Variants in CSMD3 observed in about 807,000 individuals in gnomAD.
The protein encoded by CSMD3 is CUB and Sushi multiple domains 3, also known as CUB and sushi domain-containing protein 3.
CSMD3 carries 177 observed loss-of-function variants against 435.2 expected under a neutral mutation model. The observed-to-expected ratio is 0.41, with a 90% CI of 0.36 to 0.46. The LOEUF (loss-of-function observed/expected upper bound fraction) is 0.46, where lower values mean the gene tolerates loss of function less well. Among genes scored for constraint, CSMD3 ranks in the 20% least tolerant of loss-of-function variants. The pLI is 0.34. For synonymous variants in CSMD3, 1,656 were observed against 1,520.5 expected (o/e 1.09, Z -2.07); for missense variants, 4,265 against 4,504.6 (o/e 0.95, Z 1.52).
chr8:112,637,079 G>A (rs1486103925), intron 21 of CSMD3, 74 bp from the exon 22 acceptor site: 5 of 1,185,646 alleles, frequency 4.2e-6, no homozygotes, highest in South Asian at 1.2e-5. Context: ...ACTTTTAAAG[G>A]TATATTCCTA....
intron 4 of CSMD3, among the ~76,000 whole-genome samples, chr8:113,106,341 CA>C (rs2090476402): frequency 6.6e-6 from 1 of 151,848 alleles, no homozygotes; most frequent in Admixed American, 6.6e-5. Flanking sequence ...AAAAAATACT[CA>C]ATGGGCCTCA....
chr8:112,257,841 G>T (rs367683288), intron 61 of CSMD3, among the ~76,000 whole-genome samples: 1 of 152,208 alleles, frequency 6.6e-6, no homozygotes, highest in South Asian at 2.1e-4. Flanking sequence ...TAAGCAAGAA[G>T]AACAAAACTG....
chr8:112,868,802 AT>A (rs1287240665), intron 10 of CSMD3, among the ~76,000 whole-genome samples: 1 of 152,164 alleles, frequency 6.6e-6, no homozygotes, highest in African/African-American at 2.4e-5. Flanking sequence ...AGAAAATTGA[AT>A]ATCCACTTGC....
intron 5 of CSMD3, among the ~76,000 whole-genome samples, chr8:113,037,883 T>C (rs889865359): frequency 1.3e-5 from 2 of 152,158 alleles, no homozygotes; most frequent in African/African-American, 4.8e-5. Context: ...GAAGATAATA[T>C]AATAAAGGGG....
At chr8:113,211,442 C>T (rs1409022015) in intron 3 of CSMD3, among the ~76,000 whole-genome samples, 1 of 152,104 alleles carries the variant, frequency 6.6e-6, no homozygotes, top group Non-Finnish European at 1.5e-5. Context: ...AATGAACAAG[C>T]TATATAAAGC....
At chr8:112,619,711 T>A (rs12549492) in intron 22 of CSMD3, among the ~76,000 whole-genome samples, 83,674 of 151,742 alleles carry the variant, frequency 0.55, 23,342 homozygotes, top group African/African-American at 0.6. Context: ...CCCAAAGGCA[T>A]CACTCTACTA....
intron 49 of CSMD3, among the ~76,000 whole-genome samples, chr8:112,312,165 A>T (rs781426811): frequency 9.8e-5 from 15 of 152,336 alleles, no homozygotes; most frequent in Non-Finnish European, 1.8e-4. Context: ...GCAACACTTT[A>T]ATAAAAAGAT....
At chr8:113,290,773 G>C in intron 2 of CSMD3, among the ~76,000 whole-genome samples, 1 of 151,412 alleles carries the variant, frequency 6.6e-6, no homozygotes, top group East Asian at 1.9e-4. Context: ...GTTTTCAAAT[G>C]ATCATTATTT....
At chr8:113,414,948 A>G (rs900575265) in intron 1 of CSMD3, among the ~76,000 whole-genome samples, 1 of 152,166 alleles carries the variant, frequency 6.6e-6, no homozygotes, top group Non-Finnish European at 1.5e-5. Flanking sequence ...CCTGGGTGAC[A>G]GAGGCAGTAT....
chr8:112,343,894 A>T (rs574370918), intron 41 of CSMD3, among the ~76,000 whole-genome samples: 426 of 151,548 alleles, frequency 2.8e-3, no homozygotes, highest in African/African-American at 9.8e-3. Context: ...TTATTTATTT[A>T]TTTTTTGAGA....
chr8:112,382,794 C>G, intron 37 of CSMD3, among the ~76,000 whole-genome samples: 1 of 152,014 alleles, frequency 6.6e-6, no homozygotes, highest in Non-Finnish European at 1.5e-5. Context: ...GTTCACGACC[C>G]GCCTCGCCAA....
intron 6 of CSMD3, among the ~76,000 whole-genome samples, chr8:113,008,983 A>C (rs1255603783): frequency 6.6e-6 from 1 of 151,490 alleles, no homozygotes; most frequent in African/African-American, 2.4e-5. Flanking sequence ...ATATATTAGT[A>C]ATATTTTATA....
At chr8:113,152,671 T>G (rs2091835768) in intron 4 of CSMD3, among the ~76,000 whole-genome samples, 1 of 152,002 alleles carries the variant, frequency 6.6e-6, no homozygotes, top group South Asian at 2.1e-4. Context: ...AAAATACACT[T>G]TGCCTGGTTA....
At chr8:112,273,490 C>A (rs1817716801) in intron 59 of CSMD3, among the ~76,000 whole-genome samples, 1 of 151,946 alleles carries the variant, frequency 6.6e-6, no homozygotes, top group African/African-American at 2.4e-5. Flanking sequence ...CTTTGGGAGG[C>A]CGAGGCGGGT....
At chr8:112,338,010 G>C (rs899514615) in intron 42 of CSMD3, among the ~76,000 whole-genome samples, 1 of 152,192 alleles carries the variant, frequency 6.6e-6, no homozygotes, top group African/African-American at 2.4e-5. Flanking sequence ...TAATGAAAAT[G>C]TAAACTCTTC....
intron 35 of CSMD3, among the ~76,000 whole-genome samples, chr8:112,393,470 T>G (rs1337544285): frequency 6.6e-6 from 1 of 152,200 alleles, no homozygotes; most frequent in Non-Finnish European, 1.5e-5. Context: ...TCCTGTACAA[T>G]TTTATCATAC....
At chr8:112,561,232 CAATT>C (rs1828594672) in intron 24 of CSMD3, among the ~76,000 whole-genome samples, 1 of 151,432 alleles carries the variant, frequency 6.6e-6, no homozygotes, top group African/African-American at 2.4e-5. Context: ...TTGAAACTGA[CAATT>C]AAATAAAGAT....
Position 112,243,340 on chromosome 8 carries a change from T to C in CSMD3, c.10402+1054A>G, listed in dbSNP as rs946544475. Among the ~76,000 whole-genome samples, 4 of 152,176 alleles carry C rather than the reference T, an allele frequency of 2.6e-5. No homozygotes were observed. The East Asian group carries it at 7.7e-4, about 29-fold the overall frequency. ...TGTCATTTATGACAGCTGCATTAGA[T>C]AAAACATTAGGTCTTACAAATAGGT... On this transcript the variant is annotated intron_variant, in intron 65 of 70. Transcript: ENST00000297405.
At chr8:112,248,985 G>A (rs547053172) in intron 63 of CSMD3, among the ~76,000 whole-genome samples, 10 of 152,152 alleles carry the variant, frequency 6.6e-5, no homozygotes, top group Non-Finnish European at 1.2e-4. Context: ...TCCAGAGCAC[G>A]CCTTTCACAT....
Sources: allele counts gnomAD v4.1 joint callset (sites outside exome capture counted in the v4.1 genomes callset), GRCh38; gene constraint gnomAD v4.1.1; transcripts MANE v1.5; gene names NCBI Gene and HGNC (gene_info 2026-07-23, HGNC 2026-07-21).